GRIA3: variants seen among roughly 807,000 people sequenced by gnomAD.
The protein encoded by GRIA3 is glutamate receptor 3.
A neutral mutation model predicts 63.0 loss-of-function variants in GRIA3; 3 were observed. The ratio of observed to expected loss-of-function variants is 0.05; its 90% CI spans 0.02 to 0.12. The LOEUF (loss-of-function observed/expected upper bound fraction) is 0.12. Among genes scored for constraint, GRIA3 ranks in the 10% least tolerant of loss-of-function variants. The pLI, the probability that GRIA3 is intolerant of heterozygous loss-of-function variation, is 1.00. For missense variants in GRIA3, 347 were observed against 700.9 expected, an observed-to-expected ratio of 0.50 and a Z score of 5.70; for synonymous variants, 274 against 257.9, an observed-to-expected ratio of 1.06 and a Z score of -0.60.
At chrX:123,189,315 T>G (rs1417106358) in intron 2 of GRIA3, among the ~76,000 whole-genome samples, 3 of 112,432 alleles carry the variant, frequency 2.7e-5, no homozygotes, top group Non-Finnish European at 5.6e-5. Context: ...TGTATACACA[T>G]GTAAGTTACA....
chrX:123,260,404 GACA>G, intron 3 of GRIA3, among the ~76,000 whole-genome samples: 1 of 8,078 alleles, frequency 1.2e-4, no homozygotes, highest in Non-Finnish European at 2.7e-4. Context: ...AAGAAAGAAA[GACA>G]GACAGACAGA....
intron 3 of GRIA3, among the ~76,000 whole-genome samples, chrX:123,255,203 A>G (rs2044412788): frequency 8.9e-6 from 1 of 111,793 alleles, no homozygotes; most frequent in Non-Finnish European, 1.9e-5. Context: ...AAAGCTTGCT[A>G]GAGAAGCTAG....
chrX:123,271,336 T>C (rs1038141958), intron 3 of GRIA3, among the ~76,000 whole-genome samples: 1 of 112,224 alleles, frequency 8.9e-6, no homozygotes, highest in Admixed American at 9.5e-5. Context: ...ACTTTCCCCA[T>C]GTCTTTTATC....
intron 12 of GRIA3, among the ~76,000 whole-genome samples, chrX:123,442,259 C>T (rs1476887389): frequency 8.9e-6 from 1 of 112,130 alleles, no homozygotes; most frequent in Non-Finnish European, 1.9e-5. Flanking sequence ...TAATTTTTTA[C>T]AAGATTGTTT....
intron 2 of GRIA3, among the ~76,000 whole-genome samples, chrX:123,213,201 CCGG>C (rs1410276229): frequency 8.9e-6 from 1 of 112,117 alleles, no homozygotes; most frequent in Non-Finnish European, 1.9e-5. Context: ...TTCCATGAAA[CCGG>C]TCTCTGGTGC....
intron 2 of GRIA3, among the ~76,000 whole-genome samples, chrX:123,205,894 C>A (rs949141902): frequency 9.0e-6 from 1 of 111,691 alleles, no homozygotes; most frequent in East Asian, 2.8e-4. Flanking sequence ...TTATTACTGT[C>A]TTTAAATTCT....
intron 12 of GRIA3, among the ~76,000 whole-genome samples, chrX:123,459,341 C>G (rs1437087410): frequency 8.9e-6 from 1 of 111,861 alleles, no homozygotes; most frequent in African/African-American, 3.2e-5. Context: ...AACACCGTTG[C>G]AAAGAGACAC....
At chrX:123,462,490 T>A (rs1480176201) in intron 12 of GRIA3, among the ~76,000 whole-genome samples, 1 of 112,013 alleles carries the variant, frequency 8.9e-6, no homozygotes. Context: ...TTTCACTGAC[T>A]CTGTGAGGGC....
chrX:123,462,900 G>C (rs1235681614), intron 12 of GRIA3, among the ~76,000 whole-genome samples: 1 of 111,686 alleles, frequency 9.0e-6, no homozygotes, highest in African/African-American at 3.3e-5. Flanking sequence ...TCATTCCTAA[G>C]GACCTAGCTC....
intron 3 of GRIA3, among the ~76,000 whole-genome samples, chrX:123,322,205 T>A (rs1009795702): frequency 9.0e-6 from 1 of 111,576 alleles, no homozygotes; most frequent in Non-Finnish European, 1.9e-5. Flanking sequence ...GCCCAGTTCT[T>A]CATCCATAAT....
At chrX:123,357,469 T>C (rs1488457189) in intron 5 of GRIA3, among the ~76,000 whole-genome samples, 1 of 105,986 alleles carries the variant, frequency 9.4e-6, no homozygotes. Context: ...GATGTATACA[T>C]CTGTGGGTTA....
In GRIA3 at chrX:123,479,345, T is replaced by C. The variant is rs775377100; in HGVS notation, c.2325-718T>C. Reference sequence around the variant, plus strand: ...CAATCAGTAACTCAAAAACAATCCATAGACCAGTTTTTACATTGTTGAAAA... The same window carrying C: ...CAATCAGTAACTCAAAAACAATCCACAGACCAGTTTTTACATTGTTGAAAA... On this transcript the variant is annotated intron_variant, in intron 13 of 15. Coordinates refer to ENST00000620443, the MANE Select transcript of GRIA3 (RefSeq NM_007325.5). Among the ~76,000 whole-genome samples the C allele has an allele frequency of 1.3e-3, 150 of 111,910 alleles. 1 individual carries two copies. The highest frequency in any genetic ancestry group is 4.6e-3 in the African/African-American group (142 of 30,838).
intron 2 of GRIA3, among the ~76,000 whole-genome samples, chrX:123,190,634 G>A (rs1181072896): frequency 9.0e-6 from 1 of 111,276 alleles, no homozygotes; most frequent in Non-Finnish European, 1.9e-5. Context: ...GGAATAAAGG[G>A]AATTATTTTG....
intron 3 of GRIA3, among the ~76,000 whole-genome samples, chrX:123,321,075 T>C (rs1049138661): frequency 8.9e-6 from 1 of 112,272 alleles, no homozygotes; most frequent in African/African-American, 3.2e-5. Context: ...ACTGTGGTTC[T>C]GTGTCTAATA....
intron 5 of GRIA3, among the ~76,000 whole-genome samples, chrX:123,372,869 CT>C (rs1163468692): frequency 7.5e-5 from 8 of 106,028 alleles, no homozygotes; most frequent in African/African-American, 2.1e-4. Context: ...GTCTTTATTT[CT>C]TTTTTTTTTC....
At chrX:123,463,617 A>G (rs1379852800) in intron 12 of GRIA3, among the ~76,000 whole-genome samples, 11 of 18,698 alleles carry the variant, frequency 5.9e-4, no homozygotes, top group African/African-American at 3.9e-3. Context: ...GGAGGGAAAG[A>G]AAGAAAGAAA....
chrX:123,464,893 T>C lies in GRIA3; in HGVS notation c.2105T>C (p.Met702Thr), dbSNP rs761320523. The C allele has an allele frequency of 8.3e-7, 1 of 1,204,545 alleles. No individual in the cohort carries two copies. The highest frequency in any genetic ancestry group is 1.8e-5 in the African/African-American group (1 of 56,912). Residue 702 changes from methionine to threonine, a missense_variant, in exon 13 of 16, where the codon ATG becomes ACG. Coordinates refer to ENST00000620443, the MANE Select transcript of GRIA3 (RefSeq NM_007325.5). ...TCCAAAATTGCTGTGTACGAGAAAA[T>C]GTGGTCTTACATGAAATCAGCGGAG... Reference protein sequence around the residue: ...RRSKIAVYEKMWSYMKSAEPS... With the variant: ...RRSKIAVYEKTWSYMKSAEPS...
chrX:123,302,610 T>C (rs969062543), intron 3 of GRIA3, among the ~76,000 whole-genome samples: 5 of 111,535 alleles, frequency 4.5e-5, no homozygotes, highest in African/African-American at 1.6e-4. Context: ...GAATTGTATG[T>C]AGTAGAAGGC....
chrX:123,389,306 A>G (rs2045371115), intron 5 of GRIA3, among the ~76,000 whole-genome samples: 1 of 111,941 alleles, frequency 8.9e-6, no homozygotes, highest in East Asian at 2.8e-4. Context: ...TCTAATACTG[A>G]CAGTAGGGTG....
Sources: allele counts gnomAD v4.1 joint callset (sites outside exome capture counted in the v4.1 genomes callset), GRCh38; gene constraint gnomAD v4.1.1; transcripts MANE v1.5; gene names NCBI Gene and HGNC (gene_info 2026-07-23, HGNC 2026-07-21).